DPF3: variants seen among roughly 807,000 people sequenced by gnomAD.
The protein encoded by DPF3 is zinc finger protein DPF3.
In DPF3, 18 loss-of-function variants were observed where a neutral mutation model predicts 56.8. The observed-to-expected ratio is 0.32, with a 90% CI of 0.22 to 0.47. The LOEUF (loss-of-function observed/expected upper bound fraction) is 0.47, where lower values mean the gene tolerates loss of function less well. Among genes scored for constraint, DPF3 ranks in the 20% least tolerant of loss-of-function variants. The pLI, the probability that DPF3 is intolerant of heterozygous loss-of-function variation, is 1.00. For synonymous variants in DPF3, 188 were observed against 180.2 expected (o/e 1.04, Z -0.35); for missense variants, 403 against 488.8 (o/e 0.82, Z 1.65).
chr14:72,668,255 C>T (rs1886520234), intron 8 of DPF3, among the ~76,000 whole-genome samples: 1 of 152,192 alleles, frequency 6.6e-6, no homozygotes, highest in Admixed American at 6.5e-5. Context: ...AATGCCCATC[C>T]CAGTCCCTCC....
At chr14:72,727,812 A>AAATG (rs994939574) in intron 4 of DPF3, among the ~76,000 whole-genome samples, 10 of 152,192 alleles carry the variant, frequency 6.6e-5, no homozygotes, top group South Asian at 2.1e-4. Context: ...AACTTTGGTC[A>AAATG]AATGAATGAA....
At chr14:72,626,964 T>C (rs1452467916) in intron 9 of DPF3, among the ~76,000 whole-genome samples, 1 of 151,800 alleles carries the variant, frequency 6.6e-6, no homozygotes, top group Non-Finnish European at 1.5e-5. Flanking sequence ...CATTTTTATA[T>C]CTTTTGTGGG....
chr14:72,708,426 C>G (rs1169848850), intron 6 of DPF3, among the ~76,000 whole-genome samples: 1 of 152,154 alleles, frequency 6.6e-6, no homozygotes, highest in South Asian at 2.1e-4. Flanking sequence ...CTCCCCTCCC[C>G]GATCCTACCC....
chr14:72,838,908 CTTTTTTTTTTTTTTTT>C (rs376458640), intron 1 of DPF3, among the ~76,000 whole-genome samples: 2 of 78,618 alleles, frequency 2.5e-5, no homozygotes. Flanking sequence ...CATATATATT[CTTTTTTTTTTTTTTTT>C]TTTTTTTTTT....
chr14:72,875,109 C>T (rs899105229), intron 1 of DPF3, among the ~76,000 whole-genome samples: 2 of 152,172 alleles, frequency 1.3e-5, no homozygotes. Flanking sequence ...TTCACTATCA[C>T]AAAAATAGCA....
chr14:72,849,257 G>A (rs1045420428), intron 1 of DPF3, among the ~76,000 whole-genome samples: 6 of 152,318 alleles, frequency 3.9e-5, no homozygotes, highest in Middle Eastern at 3.4e-3. Context: ...CCACAGGCAC[G>A]GAGCTTCCAC....
chr14:72,699,638 G>A (rs968902568), intron 6 of DPF3, among the ~76,000 whole-genome samples: 2 of 151,884 alleles, frequency 1.3e-5, no homozygotes, highest in Non-Finnish European at 2.9e-5. Context: ...CCAGTCACAG[G>A]TCCTGCCAAC....
At chr14:72,883,733 GC>G in intron 1 of DPF3, among the ~76,000 whole-genome samples, 1 of 152,164 alleles carries the variant, frequency 6.6e-6, no homozygotes, top group South Asian at 2.1e-4. Flanking sequence ...ATCGAGACCA[GC>G]CTGGCCAACA....
intron 7 of DPF3, chr14:72,679,163 G>C (rs546874905): frequency 1.3e-5 from 2 of 152,286 alleles, no homozygotes; most frequent in South Asian, 2.1e-4. Context: ...AGGCAGCACC[G>C]CCTCTCCCCC....
intron 1 of DPF3, among the ~76,000 whole-genome samples, chr14:72,774,540 G>C (rs1165387523): frequency 2.6e-5 from 4 of 152,044 alleles, no homozygotes; most frequent in Admixed American, 1.3e-4. Context: ...CTAACAAAGA[G>C]CTTAAAGCAA....
intron 5 of DPF3, among the ~76,000 whole-genome samples, chr14:72,722,712 C>T (rs1384966333): frequency 3.9e-5 from 6 of 152,242 alleles, no homozygotes; most frequent in Non-Finnish European, 5.9e-5. Flanking sequence ...CAGTTTACTT[C>T]TGGAGGTCCC....
intron 6 of DPF3, among the ~76,000 whole-genome samples, chr14:72,700,282 G>C (rs1335878407): frequency 6.6e-6 from 1 of 152,192 alleles, no homozygotes; most frequent in Non-Finnish European, 1.5e-5. Context: ...CTTCCAGACA[G>C]GGTCCGAGTT....
At chr14:72,805,399 A>G (rs10142421) in intron 1 of DPF3, among the ~76,000 whole-genome samples, 109,710 of 151,636 alleles carry the variant, frequency 0.72, 39,912 homozygotes, top group East Asian at 0.79. Flanking sequence ...GAACCCAGGA[A>G]GCAGAGGTTG....
intron 6 of DPF3, among the ~76,000 whole-genome samples, chr14:72,701,219 C>T (rs1040155864): frequency 6.6e-6 from 1 of 152,194 alleles, no homozygotes; most frequent in African/African-American, 2.4e-5. Context: ...CCCCTGGGAC[C>T]AGTCAGCCCT....
chr14:72,883,101 A>C (rs1401421731), intron 1 of DPF3, among the ~76,000 whole-genome samples: 1 of 152,190 alleles, frequency 6.6e-6, no homozygotes, highest in Non-Finnish European at 1.5e-5. Context: ...ATGTATCGAG[A>C]GTTGCTGGTT....
At chr14:72,858,928 T>C (rs2140094128) in intron 1 of DPF3, among the ~76,000 whole-genome samples, 1 of 152,328 alleles carries the variant, frequency 6.6e-6, no homozygotes, top group Middle Eastern at 3.4e-3. Context: ...ATTTTTAAAA[T>C]ACTGCTAAAT....
At chr14:72,688,043 G>A (rs530093726) in intron 7 of DPF3, among the ~76,000 whole-genome samples, 2 of 151,748 alleles carry the variant, frequency 1.3e-5, no homozygotes, top group South Asian at 2.1e-4. Flanking sequence ...CTCAAAGACA[G>A]GGCTGAGTCC....
intron 8 of DPF3, chr14:72,670,276 T>G: frequency 1.0e-6 from 1 of 986,008 alleles, no homozygotes; most frequent in Non-Finnish European, 1.2e-6. Context: ...GTTCTGCTTA[T>G]ATTCCATCCC....
rs60391490 is a variant in DPF3 at position 72,672,060 on chromosome 14, GA to G, written c.871+2179del. ...ACACACACACACACACACACACACA[GA>G]CACACACACACACACACACACACCC... On this transcript the variant is annotated intron_variant, in intron 8 of 10. Transcript: ENST00000556509. Among the ~76,000 whole-genome samples the G allele has an allele frequency of 7.2e-3, 953 of 133,022 alleles. 10 individuals are homozygous for G. Among genetic ancestry groups the G allele is most frequent in the African/African-American group, 0.029 (918 of 32,024 alleles). 87.3% of individuals were successfully genotyped at this position (133,022 alleles called of 152,430 possible). A position where few individuals can be genotyped will look rare whatever the true frequency, so the allele number is the denominator to read the frequency against.
Sources: allele counts gnomAD v4.1 joint callset (sites outside exome capture counted in the v4.1 genomes callset), GRCh38; gene constraint gnomAD v4.1.1; transcripts MANE v1.5; gene names NCBI Gene and HGNC (gene_info 2026-07-23, HGNC 2026-07-21).